SPACA9: variants seen among roughly 807,000 people sequenced by gnomAD.
The protein encoded by SPACA9 is sperm acrosome associated 9.
Under a neutral mutation model 12.5 loss-of-function variants are expected in SPACA9, and 14 were observed. The ratio of observed to expected loss-of-function variants is 1.12; its 90% CI spans 0.74 to 1.75. The LOEUF is 1.75. Ranked by LOEUF, SPACA9 falls within the 40% of genes most tolerant of loss-of-function variation. The pLI is 0.00. For missense variants in SPACA9, 292 were observed against 291.9 expected, an observed-to-expected ratio of 1.00 and a Z score of 0.00; for synonymous variants, 111 against 114.1, an observed-to-expected ratio of 0.97 and a Z score of 0.17.
Position 132,889,135 on chromosome 9 carries a change from C to G in SPACA9, c.*524C>G. On this transcript the variant is annotated 3_prime_UTR_variant, in exon 4 of 4. Transcript: ENST00000356311. ...GGCTCCGTGCTGATGAAGAGGAAACCCACTTACAGAAGTTGCCCAAACAGG... is the reference window on the plus strand; with the variant it reads ...GGCTCCGTGCTGATGAAGAGGAAACGCACTTACAGAAGTTGCCCAAACAGG... The G allele has an allele frequency of 1.0e-6, 1 of 990,186 alleles. No individual in the cohort carries two copies. The highest frequency in any genetic ancestry group is 4.6e-5 in the South Asian group (1 of 21,698). The allele number at this position is 990,186 out of a possible 1,614,324, so 61.3% of individuals were successfully genotyped here.
Position 132,889,322 on chromosome 9 carries a change from A to G in SPACA9, c.*711A>G, listed in dbSNP as rs73550696. The G allele has an allele frequency of 9.4e-4, 924 of 985,552 alleles. 10 individuals are homozygous for G. In the African/African-American group the frequency reaches 0.012, roughly 13 times the overall value. The allele number at this position is 985,552 out of a possible 1,614,324, so 61.1% of individuals were successfully genotyped here. A position where few individuals can be genotyped will look rare whatever the true frequency, so the allele number is the denominator to read the frequency against. ...GCTCCTTGCCCCACCACCAGCCCCAACTGTAGGCAAGGCACACGCTGTTTG... is the reference window on the plus strand; with the variant it reads ...GCTCCTTGCCCCACCACCAGCCCCAGCTGTAGGCAAGGCACACGCTGTTTG... On this transcript the variant is annotated 3_prime_UTR_variant, in exon 4 of 4. Transcript: ENST00000356311.
At chr9:132,878,422 C>T (rs1278845505), upstream of SPACA9, 2 of 1,234,680 alleles carry the variant, frequency 1.6e-6, no homozygotes, top group Non-Finnish European at 2.0e-6. The surrounding 1 kb of genome is among the most constrained non-coding windows in gnomAD (Gnocchi z 4.7). Flanking sequence ...CCGGCTGACG[C>T]GCTCTGCGGC....
rs1187029097 is a variant in SPACA9 at position 132,887,580 on chromosome 9, C to T, written c.347+9C>T. The T allele has an allele frequency of 1.2e-6, 2 of 1,612,058 alleles. No homozygotes were observed. Among genetic ancestry groups the T allele is most frequent in the East Asian group, 2.2e-5 (1 of 44,872 alleles). ...AGCAGCCTCAGAGCAAAGTAAGTCC[C>T]TCTGATGCTGCTCTTGAGGCCCCGT... On this transcript the variant is annotated intron_variant, in intron 3 of 3. Transcript: ENST00000356311. This position sits in a 1 kb window ranked among gnomAD's most constrained non-coding sequence, Gnocchi z 5.4.
intron 1 of SPACA9, among the ~76,000 whole-genome samples, chr9:132,879,303 T>C (rs1184781838): frequency 2.0e-5 from 3 of 152,188 alleles, no homozygotes; most frequent in Admixed American, 6.5e-5. Flanking sequence ...CTGTAAGAGT[T>C]TGTTGAACTC....
intron 1 of SPACA9, among the ~76,000 whole-genome samples, chr9:132,882,462 C>CT (rs60513113): frequency 9.9e-4 from 122 of 123,500 alleles, no homozygotes; most frequent in East Asian, 5.5e-3. Flanking sequence ...TACCCTGCCT[C>CT]TTTTTTTTTT....
rs140311024 is a variant in SPACA9, at chr9:132,884,052, C to T, written c.105C>T (p.Asn35=). ...CCGCTCTGGAGCACTGCAGGGAGAACGCCCACGACAAGATCCGGCCCATCT... is the reference window on the plus strand; with the variant it reads ...CCGCTCTGGAGCACTGCAGGGAGAATGCCCACGACAAGATCCGGCCCATCT... ...FTAALEHCRE[N]AHDKIRPISS... The change falls in exon 2 of 4, where the codon AAC becomes AAT. Residue 35 remains asparagine (N), a synonymous_variant. Transcript: ENST00000356311. 163 of 1,614,164 alleles carry T rather than the reference C, an allele frequency of 1.0e-4. 1 individual carries two copies. The highest frequency in any genetic ancestry group is 9.8e-4 in the East Asian group (44 of 44,872).
rs775072275 is a variant in SPACA9 at position 132,888,349 on chromosome 9, G to T, written c.407G>T (p.Gly136Val). ...GACGAGGCCCGGAACCACTACGGCG[G>T]CGTGGTCAGCCTCATCCCCCTCATC... ...SCDEARNHYG[G>V]VVSLIPLILD... Residue 136 changes from glycine to valine, a missense_variant, in exon 4 of 4, where the codon GGC becomes GTC. Coordinates refer to ENST00000356311, the MANE Select transcript of SPACA9 (RefSeq NM_001316897.2). This position sits in a 1 kb window ranked among gnomAD's most constrained non-coding sequence, Gnocchi z 5.0. 12 of 1,614,010 alleles carry T rather than the reference G, an allele frequency of 7.4e-6. No homozygotes were observed. Among genetic ancestry groups the T allele is most frequent in the Middle Eastern group, 3.3e-4 (2 of 6,084 alleles).
chr9:132,884,118 C>T lies in SPACA9; in HGVS notation c.144+27C>T, dbSNP rs377550537. The T allele has an allele frequency of 1.5e-4, 235 of 1,604,984 alleles. 2 individuals carry two copies. In the Middle Eastern group the frequency reaches 1.8e-3, roughly 13 times the overall value. On this transcript the variant is annotated intron_variant, in intron 2 of 3. Transcript: ENST00000356311. ...TGGGGCTCCCGACCCCCACCCCGGC[C>T]GAGGGGCAACAAGCCCAGTCCCCTC... is the stretch of plus-strand genomic sequence containing the variant.
chr9:132,884,188 T>C, intron 2 of SPACA9, 97 bp downstream of exon 2: 1 of 1,382,588 alleles, frequency 7.2e-7, no homozygotes, highest in Non-Finnish European at 9.9e-7. Flanking sequence ...GGAAGGACGT[T>C]TGCGCCAGAA....
chr9:132,885,456 T>C lies in SPACA9; in HGVS notation c.144+1365T>C, dbSNP rs1331150112. Among the ~76,000 whole-genome samples, 4 of 137,210 alleles carry C rather than the reference T, an allele frequency of 2.9e-5. No homozygotes were observed. In the Admixed American group the frequency reaches 3.5e-4, roughly 12 times the overall value. 90.0% of individuals were successfully genotyped at this position (137,210 alleles called of 152,430 possible). On this transcript the variant is annotated intron_variant, in intron 2 of 3. Transcript: ENST00000356311. ...TGAACCCTGGAGGCAGAAGCTGCAG[T>C]GAGCCGAGATCGCACCACTGCACTC...
intron 2 of SPACA9, among the ~76,000 whole-genome samples, chr9:132,886,544 G>C (rs1844568701): frequency 6.6e-6 from 1 of 152,238 alleles, no homozygotes; most frequent in Non-Finnish European, 1.5e-5. Context: ...GCAGGGGACA[G>C]GTGAGGGGTA....
At position 132,888,741 on chromosome 9, in the gene SPACA9, C is replaced by A; in HGVS notation, c.*130C>A. The A allele has an allele frequency of 2.1e-6, 3 of 1,430,508 alleles. No homozygotes were observed. Among genetic ancestry groups the A allele is most frequent in the Non-Finnish European group, 2.7e-6 (3 of 1,093,110 alleles). The allele number at this position is 1,430,508 out of a possible 1,614,324, so 88.6% of individuals were successfully genotyped here. On this transcript the variant is annotated 3_prime_UTR_variant, in exon 4 of 4. Transcript: ENST00000356311. The surrounding 1 kb of genome is among the most constrained non-coding windows in gnomAD (Gnocchi z 5.0). ...CCCAAGGGAATCAGCCAATATATTA[C>A]TGAGACTTCCTCTCTCTCTTCTTGC...
At position 132,887,368 on chromosome 9, in the gene SPACA9, G is replaced by A; in HGVS notation, c.145-1G>A. 6.2e-7 allele frequency: 1 copy of A among 1,610,562 alleles called. No individual in the cohort carries two copies. Among genetic ancestry groups the A allele is most frequent in the Non-Finnish European group, 8.5e-7 (1 of 1,179,866 alleles). Reference sequence around the variant, plus strand: ...AGCTCATGTGGCGGCGGCCCTTGCAGGTGCAGAGCTACATGGAACACTACT... The same window carrying A: ...AGCTCATGTGGCGGCGGCCCTTGCAAGTGCAGAGCTACATGGAACACTACT... On this transcript the variant is annotated splice_acceptor_variant, in intron 2 of 3. Transcript: ENST00000356311. LOFTEE classifies it high-confidence loss of function. This position sits in a 1 kb window ranked among gnomAD's most constrained non-coding sequence, Gnocchi z 5.4.
At position 132,888,470 on chromosome 9, in the gene SPACA9, C is replaced by T. The variant is rs758482894; in HGVS notation, c.528C>T (p.Thr176=). Residue 176 remains threonine (T), a synonymous_variant, in exon 4 of 4, where the codon ACC becomes ACT. Transcript: ENST00000356311. The surrounding 1 kb of genome is among the most constrained non-coding windows in gnomAD (Gnocchi z 5.0). ...VSEPQAHQES[T]RGAARPAQAI... ...AGCCCCAGGCGCACCAGGAGAGCAC[C>T]AGGGGAGCCGCTCGTCCTGCCCAGG... 1.9e-6 allele frequency: 3 copies of T among 1,611,120 alleles called. No homozygotes were observed. Among genetic ancestry groups the T allele is most frequent in the Non-Finnish European group, 1.7e-6 (2 of 1,179,004 alleles).
intron 1 of SPACA9, among the ~76,000 whole-genome samples, chr9:132,881,738 T>G (rs1844434484): frequency 6.6e-6 from 1 of 151,658 alleles, no homozygotes. Flanking sequence ...CATGGCTCAC[T>G]GCAGCCTTGA....
In SPACA9 at chr9:132,889,387, G is replaced by A. The variant is rs987816938; in HGVS notation, c.*776G>A. 8.4e-5 allele frequency: 83 copies of A among 985,252 alleles called. No individual in the cohort carries two copies. The highest frequency in any genetic ancestry group is 3.3e-4 in the South Asian group (7 of 21,280). The allele number at this position is 985,252 out of a possible 1,614,324, so 61.0% of individuals were successfully genotyped here. On this transcript the variant is annotated 3_prime_UTR_variant, in exon 4 of 4. Transcript: ENST00000356311. The stretch of plus-strand genomic sequence containing the variant: ...TCCCCTCCAGGATGGAGTGGGGGTC[G>A]GCATGTGGAACTCAGCGTGTTTATT...
Position 132,888,819 on chromosome 9 carries a change from G to A in SPACA9, c.*208G>A. 2.5e-6 allele frequency: 3 copies of A among 1,220,344 alleles called. No individual in the cohort carries two copies. Among genetic ancestry groups the A allele is most frequent in the South Asian group, 3.8e-5 (2 of 53,002 alleles). 75.6% of individuals were successfully genotyped at this position (1,220,344 alleles called of 1,614,324 possible). A position where few individuals can be genotyped will look rare whatever the true frequency, so the allele number is the denominator to read the frequency against. On this transcript the variant is annotated 3_prime_UTR_variant, in exon 4 of 4. Transcript: ENST00000356311. This position sits in a 1 kb window ranked among gnomAD's most constrained non-coding sequence, Gnocchi z 5.0. The stretch of plus-strand genomic sequence containing the variant: ...GTCTCGCTCTGTCGCCCAGGCTGGA[G>A]TGCGGTGGCGCAACCTCGGCTCACT...
chr9:132,889,613 C>T lies in SPACA9; in HGVS notation c.*1002C>T, dbSNP rs1306842358. On this transcript the variant is annotated 3_prime_UTR_variant, in exon 4 of 4. Transcript: ENST00000356311. ...ATTTTTTAGTAGAGACGGGGCTTCACCACGTTGGCCAGGCTGGTCTTGAAC... is the reference window on the plus strand; with the variant it reads ...ATTTTTTAGTAGAGACGGGGCTTCATCACGTTGGCCAGGCTGGTCTTGAAC... 1 of 451,224 alleles carries T rather than the reference C, an allele frequency of 2.2e-6. No homozygotes were observed. The highest frequency in any genetic ancestry group is 2.9e-6 in the Non-Finnish European group (1 of 340,804). The allele number at this position is 451,224 out of a possible 1,614,324, so 28.0% of individuals were successfully genotyped here. A position where few individuals can be genotyped will look rare whatever the true frequency, so the allele number is the denominator to read the frequency against.
At chr9:132,885,211 C>G (rs1564458182) in intron 2 of SPACA9, among the ~76,000 whole-genome samples, 1 of 151,294 alleles carries the variant, frequency 6.6e-6, no homozygotes, top group East Asian at 1.9e-4. Context: ...TTTTTTAACT[C>G]AAAAAAATGT....
Sources: allele counts gnomAD v4.1 joint callset (sites outside exome capture counted in the v4.1 genomes callset), GRCh38; gene constraint gnomAD v4.1.1; non-coding constraint Gnocchi (gnomAD v3.1); transcripts MANE v1.5; gene names NCBI Gene and HGNC (gene_info 2026-07-23, HGNC 2026-07-21).